The following EIF2S1 variants were observed in gnomAD, a reference collection of about 807,000 sequenced individuals.
EIF2S1 encodes eukaryotic translation initiation factor 2 subunit alpha.
Under a neutral mutation model 33.5 loss-of-function variants are expected in EIF2S1, and 5 were observed. The ratio of observed to expected loss-of-function variants is 0.15; its 90% CI spans 0.08 to 0.31. The LOEUF is 0.31. EIF2S1 is among the 10% of genes least tolerant of loss of function. The probability of loss-of-function intolerance (pLI) is 1.00; values close to 1 mark genes in which losing one functional copy is unlikely to be tolerated. For synonymous variants in EIF2S1, 99 were observed against 127.5 expected (o/e 0.78, Z 1.51); for missense variants, 191 against 384.6 (o/e 0.50, Z 4.21).
Position 67,383,867 on chromosome 14 carries a change from G to A in EIF2S1, c.*427G>A, listed in dbSNP as rs2085903744. The A allele has an allele frequency of 4.4e-6, 1 of 227,038 alleles. No homozygotes were observed. 14.1% of individuals were successfully genotyped at this position (227,038 alleles called of 1,614,324 possible). On this transcript the variant is annotated 3_prime_UTR_variant, in exon 8 of 8. Transcript: ENST00000256383. ...AAATTTCTGGGATATTTAACTATAGGCTTCTTCCTTCTTGTCACCAGTTAA... is the reference window on the plus strand; with the variant it reads ...AAATTTCTGGGATATTTAACTATAGACTTCTTCCTTCTTGTCACCAGTTAA...
At chr14:67,375,228 A>T in intron 3 of EIF2S1, among the ~76,000 whole-genome samples, 2 of 134,876 alleles carry the variant, frequency 1.5e-5, no homozygotes, top group African/African-American at 2.9e-5. Flanking sequence ...CTACATCCTC[A>T]GTTCTGTGTG....
chr14:67,363,793 T>C (rs1484697018), intron 1 of EIF2S1, among the ~76,000 whole-genome samples: 1 of 152,162 alleles, frequency 6.6e-6, no homozygotes, highest in South Asian at 2.1e-4. Context: ...ATTATATGAA[T>C]TTTCACAAGG....
chr14:67,375,141 A>T (rs1188757708), intron 3 of EIF2S1, among the ~76,000 whole-genome samples: 2 of 152,176 alleles, frequency 1.3e-5, no homozygotes, highest in Non-Finnish European at 2.9e-5. Context: ...AAGCAGCAGC[A>T]AAGCAAAGAT....
intron 3 of EIF2S1, 98 bp from the exon 4 acceptor site, chr14:67,376,341 G>A: frequency 8.4e-7 from 1 of 1,196,078 alleles, no homozygotes; most frequent in Non-Finnish European, 1.1e-6. Context: ...TATTGTTAAG[G>A]AATTATTGTA....
At chr14:67,382,387 C>T in intron 6 of EIF2S1, 60 bp from the exon 7 acceptor site, 2 of 1,469,160 alleles carry the variant, frequency 1.4e-6, no homozygotes, top group African/African-American at 1.4e-5. Context: ...TCTCAAGCAT[C>T]CTAATAGTTG....
At chr14:67,374,423 G>C in intron 2 of EIF2S1, 45 bp from the exon 3 acceptor site, 5 of 1,257,014 alleles carry the variant, frequency 4.0e-6, no homozygotes, top group Non-Finnish European at 5.6e-6. Flanking sequence ...CAATAGTACA[G>C]TGGCATCTGG....
chr14:67,368,887 A>G (rs1305297083), intron 2 of EIF2S1, among the ~76,000 whole-genome samples: 1 of 152,186 alleles, frequency 6.6e-6, no homozygotes, highest in Non-Finnish European at 1.5e-5. Flanking sequence ...AAAATACACT[A>G]TTGTAAAAGC....
intron 3 of EIF2S1, among the ~76,000 whole-genome samples, chr14:67,375,262 GTGTGTGTGTGTGTGTGTGTGTC>G: frequency 6.7e-6 from 1 of 148,264 alleles, no homozygotes; most frequent in East Asian, 2.1e-4. Flanking sequence ...GTGTGTGTGT[GTGTGTGTGTGTGTGTGTGTGTC>G]ACAAAGTCTT....
chr14:67,371,228 A>G (rs1467934041), intron 2 of EIF2S1, among the ~76,000 whole-genome samples: 1 of 152,098 alleles, frequency 6.6e-6, no homozygotes, highest in Admixed American at 6.6e-5. Context: ...CAGCCTGGCA[A>G]TATAGGGAGA....
Position 67,363,110 on chromosome 14 carries a change from A to G in EIF2S1, c.-1-1657A>G, listed in dbSNP as rs112842740. On this transcript the variant is annotated intron_variant, in intron 1 of 7. Transcript: ENST00000256383. ...CAAATGTCTTGCAACTGTTCCATAC[A>G]TTTCTGTAACATAGTTTATTTTTAT... Among the ~76,000 whole-genome samples the G allele has an allele frequency of 1.5e-3, 224 of 152,172 alleles. 1 individual carries two copies. The highest frequency in any genetic ancestry group is 5.2e-3 in the African/African-American group (215 of 41,542).
intron 6 of EIF2S1, 73 bp downstream of exon 6, chr14:67,381,763 T>C (rs922411297): frequency 4.1e-6 from 1 of 245,348 alleles, no homozygotes. Flanking sequence ...TCTTTGTTTC[T>C]TTTTTTTTTT....
At chr14:67,372,106 A>C (rs1467365393) in intron 2 of EIF2S1, among the ~76,000 whole-genome samples, 1 of 152,136 alleles carries the variant, frequency 6.6e-6, no homozygotes. Flanking sequence ...CTCTTTTGTT[A>C]TCTCTCACTT....
intron 2 of EIF2S1, among the ~76,000 whole-genome samples, chr14:67,370,465 C>T (rs186628514): frequency 2.1e-4 from 32 of 151,894 alleles, no homozygotes; most frequent in Non-Finnish European, 4.1e-4. Context: ...TTGATAAACC[C>T]CTAGTTAGGC....
At position 67,382,928 on chromosome 14, in the gene EIF2S1, T is replaced by TG. The variant is rs2085897245; in HGVS notation, c.822+338_822+339insG. On this transcript the variant is annotated intron_variant, in intron 7 of 7. Transcript: ENST00000256383. ...GCGTGCGTGTGTGTGTGTGTGTGTG[T>TG]TATGGTTCCTTCTATGGAAAGGACT... is the stretch of plus-strand genomic sequence containing the variant. Among the ~76,000 whole-genome samples the TG allele has an allele frequency of 2.6e-5, 4 of 151,898 alleles. No homozygotes were observed. In the South Asian group the frequency reaches 6.3e-4, roughly 24 times the overall value.
intron 1 of EIF2S1, chr14:67,364,261 G>T (rs910239550): frequency 6.6e-6 from 1 of 152,064 alleles, no homozygotes; most frequent in East Asian, 1.9e-4. Flanking sequence ...TGTAATTTTG[G>T]CTATAATAAA....
chr14:67,362,044 G>A (rs77353052), intron 1 of EIF2S1, among the ~76,000 whole-genome samples: 1 of 74,640 alleles, frequency 1.3e-5, no homozygotes, highest in African/African-American at 4.8e-5. Context: ...TTTTTTTTTT[G>A]AGACAGAGTC....
At chr14:67,377,313 G>T (rs1332940220) in intron 4 of EIF2S1, among the ~76,000 whole-genome samples, 1 of 152,136 alleles carries the variant, frequency 6.6e-6, no homozygotes, top group Non-Finnish European at 1.5e-5. Context: ...CAGTCTTGCA[G>T]GTTGGTCCAC....
intron 7 of EIF2S1, 98 bp downstream of exon 7, chr14:67,382,688 G>A (rs780624974): frequency 2.5e-5 from 35 of 1,401,630 alleles, no homozygotes; most frequent in Non-Finnish European, 3.2e-5. Flanking sequence ...ATGTCATATT[G>A]TAGGATGGTC....
Position 67,386,476 on chromosome 14 carries a change from C to T in EIF2S1, c.*3036C>T, listed in dbSNP as rs1316231997. 1 of 152,182 alleles carries T rather than the reference C, an allele frequency of 6.6e-6. No homozygotes were observed. Among genetic ancestry groups the T allele is most frequent in the Non-Finnish European group, 1.5e-5 (1 of 68,042 alleles). The allele number at this position is 152,182 out of a possible 1,614,324, so 9.4% of individuals were successfully genotyped here. A position where few individuals can be genotyped will look rare whatever the true frequency, so the allele number is the denominator to read the frequency against. On this transcript the variant is annotated 3_prime_UTR_variant, in exon 8 of 8. Transcript: ENST00000256383. ...GCTGGCAATAGCTTGTGCCAGATTA[C>T]TGTATAAACTTGAAAGTAATAAAAA...
Sources: gnomAD v4.1 joint callset for allele counts (sites outside exome capture counted in the v4.1 genomes callset) on GRCh38, gnomAD v4.1.1 for gene constraint, MANE v1.5 for transcripts, NCBI Gene and HGNC (gene_info 2026-07-23, HGNC 2026-07-21) for gene names.